LIN28B: variants seen among roughly 807,000 people sequenced by gnomAD.
LIN28B encodes the protein lin-28 RNA binding posttranscriptional regulator B.
In LIN28B, 5 loss-of-function variants were observed where a neutral mutation model predicts 21.9. The observed-to-expected ratio is 0.23, with a 90% CI of 0.12 to 0.48. The LOEUF (loss-of-function observed/expected upper bound fraction) is 0.48, where lower values mean the gene tolerates loss of function less well. Ranked by LOEUF, LIN28B falls within the 20% of genes least tolerant of loss-of-function variation. The pLI, the probability that LIN28B is intolerant of heterozygous loss-of-function variation, is 0.98. For synonymous variants in LIN28B, 109 were observed against 111.3 expected, an observed-to-expected ratio of 0.98 and a Z score of 0.13; for missense variants, 245 against 310.5, an observed-to-expected ratio of 0.79 and a Z score of 1.58.
intron 2 of LIN28B, among the ~76,000 whole-genome samples, chr6:104,977,272 C>T (rs539697798): frequency 9.9e-5 from 15 of 152,278 alleles, no homozygotes; most frequent in African/African-American, 3.4e-4. Context: ...TTTTCCTTTG[C>T]ACAAACAGTA....
intron 2 of LIN28B, among the ~76,000 whole-genome samples, chr6:104,937,806 A>G (rs1388999397): frequency 6.6e-6 from 1 of 152,128 alleles, no homozygotes; most frequent in African/African-American, 2.4e-5. Context: ...ATTCAGATGC[A>G]TTCATTAAAA....
intron 3 of LIN28B, among the ~76,000 whole-genome samples, chr6:105,055,975 T>A (rs1183731128): frequency 1.4e-5 from 2 of 142,338 alleles, no homozygotes; most frequent in African/African-American, 5.2e-5. Context: ...TTGCCCAGGC[T>A]GGACTGAACT....
At chr6:104,957,348 C>CG in intron 1 of LIN28B, 88 bp downstream of exon 1, 1 of 781,834 alleles carries the variant, frequency 1.3e-6, no homozygotes, top group African/African-American at 2.0e-5. Context: ...TAGACCGTCC[C>CG]CCCCTTCCCC....
chr6:104,990,723 T>G (rs1241777967), intron 2 of LIN28B, among the ~76,000 whole-genome samples: 2 of 152,158 alleles, frequency 1.3e-5, no homozygotes, highest in Non-Finnish European at 2.9e-5. Flanking sequence ...TCTGCAGTGT[T>G]TGTGTCCCTG....
At chr6:105,017,125 CAT>C (rs1484506546) in intron 2 of LIN28B, among the ~76,000 whole-genome samples, 1 of 149,252 alleles carries the variant, frequency 6.7e-6, no homozygotes, top group Non-Finnish European at 1.5e-5. Flanking sequence ...AATGTAGTAT[CAT>C]GTGTTATAAT....
chr6:105,047,726 T>A (rs868655115), intron 3 of LIN28B, among the ~76,000 whole-genome samples: 1 of 152,318 alleles, frequency 6.6e-6, no homozygotes, highest in Middle Eastern at 3.4e-3. Context: ...CTTGAAGAGG[T>A]CCTTCACATC....
upstream of LIN28B, chr6:104,956,948 AT>A (rs1215831240): frequency 3.7e-5 from 20 of 533,664 alleles, no homozygotes; most frequent in African/African-American, 3.8e-4. Flanking sequence ...TCATTCATAA[AT>A]TATTTTGATG....
chr6:104,969,218 G>T (rs554414286), intron 2 of LIN28B, among the ~76,000 whole-genome samples: 2 of 151,874 alleles, frequency 1.3e-5, no homozygotes, highest in Non-Finnish European at 2.9e-5. Context: ...AAAAATTTTC[G>T]TTGAATACTC....
chr6:105,033,161 G>T (rs1245650996), intron 3 of LIN28B, among the ~76,000 whole-genome samples: 1 of 152,056 alleles, frequency 6.6e-6, no homozygotes, highest in African/African-American at 2.4e-5. Context: ...TGTGTAATAT[G>T]AATTGTTCAA....
At chr6:105,011,982 A>C (rs1770932951) in intron 2 of LIN28B, among the ~76,000 whole-genome samples, 1 of 152,016 alleles carries the variant, frequency 6.6e-6, no homozygotes, top group African/African-American at 2.4e-5. Context: ...ACATGGTGAA[A>C]CCCCATCTCT....
intron 2 of LIN28B, among the ~76,000 whole-genome samples, chr6:104,938,491 T>C (rs1778038828): frequency 6.6e-6 from 1 of 151,784 alleles, no homozygotes. Context: ...ATACAAAAAT[T>C]AGCTGCGTGT....
intron 3 of LIN28B, among the ~76,000 whole-genome samples, chr6:105,046,538 G>A (rs1470437677): frequency 2.0e-5 from 3 of 152,170 alleles, no homozygotes; most frequent in Non-Finnish European, 4.4e-5. Context: ...ACCCAGTAAT[G>A]GGATGGCTAG....
At chr6:104,945,831 A>G (rs977186180) in intron 2 of LIN28B, among the ~76,000 whole-genome samples, 1 of 152,094 alleles carries the variant, frequency 6.6e-6, no homozygotes, top group Non-Finnish European at 1.5e-5. Context: ...GTGCCATAAT[A>G]TTGCCTTTAA....
intron 2 of LIN28B, among the ~76,000 whole-genome samples, chr6:105,021,007 G>C (rs569020907): frequency 2.6e-5 from 4 of 151,736 alleles, no homozygotes; most frequent in African/African-American, 9.7e-5. Context: ...CACCCACCTC[G>C]GCCTCCCAAA....
intron 2 of LIN28B, among the ~76,000 whole-genome samples, chr6:104,978,275 A>C (rs1212406587): frequency 6.6e-6 from 1 of 152,152 alleles, no homozygotes; most frequent in Non-Finnish European, 1.5e-5. Flanking sequence ...TATCTGTCTA[A>C]TTCTCTTTTT....
At chr6:104,963,908 A>G (rs1769804640) in intron 2 of LIN28B, among the ~76,000 whole-genome samples, 1 of 152,202 alleles carries the variant, frequency 6.6e-6, no homozygotes, top group Admixed American at 6.5e-5. Flanking sequence ...ACTTACAAGT[A>G]TTCAGTGTAA....
At chr6:105,011,373 T>C (rs1770919225) in intron 2 of LIN28B, among the ~76,000 whole-genome samples, 1 of 152,148 alleles carries the variant, frequency 6.6e-6, no homozygotes, top group Non-Finnish European at 1.5e-5. Flanking sequence ...GTATTTTTTG[T>C]AGGGACGGGA....
intron 2 of LIN28B, among the ~76,000 whole-genome samples, chr6:104,981,554 G>A (rs897461791): frequency 1.3e-5 from 2 of 152,192 alleles, no homozygotes; most frequent in African/African-American, 4.8e-5. Context: ...GTACTGGAGA[G>A]TAAAGAGCTA....
At chr6:105,044,156 G>A (rs1284522063) in intron 3 of LIN28B, among the ~76,000 whole-genome samples, 2 of 152,054 alleles carry the variant, frequency 1.3e-5, no homozygotes, top group Admixed American at 6.5e-5. Context: ...AGATTAAGAA[G>A]CTCTGTTCTG....
Sources: allele counts gnomAD v4.1 joint callset (sites outside exome capture counted in the v4.1 genomes callset), GRCh38; gene constraint gnomAD v4.1.1; transcripts MANE v1.5; gene names NCBI Gene and HGNC (gene_info 2026-07-23, HGNC 2026-07-21).